The following NCOR1 variants were observed in gnomAD, a reference collection of about 807,000 sequenced individuals.
NCOR1 encodes nuclear receptor corepressor 1.
In NCOR1, 63 loss-of-function variants were observed where a neutral mutation model predicts 288.1. The observed-to-expected ratio is 0.22, with a 90% CI of 0.18 to 0.27. The LOEUF (loss-of-function observed/expected upper bound fraction) is 0.27, where lower values mean the gene tolerates loss of function less well. NCOR1 is among the 10% of genes least tolerant of loss of function. NCOR1 has a pLI of 1.00. For missense variants in NCOR1, 2,397 were observed against 3,019.2 expected, an observed-to-expected ratio of 0.79 and a Z score of 4.83; for synonymous variants, 1,007 against 1,065.9, an observed-to-expected ratio of 0.94 and a Z score of 1.08.
intron 45 of NCOR1, among the ~76,000 whole-genome samples, chr17:16,032,884 G>A (rs909764227): frequency 1.3e-5 from 2 of 152,202 alleles, no homozygotes; most frequent in African/African-American, 4.8e-5. Context: ...AAGTACCCAG[G>A]AACGTCTGCA....
intron 27 of NCOR1, among the ~76,000 whole-genome samples, chr17:16,074,396 T>C (rs1161621190): frequency 6.6e-6 from 1 of 152,174 alleles, no homozygotes; most frequent in Non-Finnish European, 1.5e-5. Flanking sequence ...GGATGGATTC[T>C]AGACACTTTA....
intron 1 of NCOR1, among the ~76,000 whole-genome samples, chr17:16,199,932 T>C (rs371276482): frequency 2.0e-5 from 3 of 152,356 alleles, no homozygotes; most frequent in South Asian, 2.1e-4. Flanking sequence ...TAGCCTCTTA[T>C]ATATTGCAAA....
chr17:16,099,092 CCAA>C (rs1215212136), intron 20 of NCOR1, among the ~76,000 whole-genome samples: 5 of 152,214 alleles, frequency 3.3e-5, no homozygotes, highest in African/African-American at 1.2e-4. Context: ...ATGGAAAGAA[CCAA>C]CAACATGAAA....
rs767576729 is a variant in NCOR1 at position 16,153,370 on chromosome 17, A to T, written c.758T>A (p.Ile253Asn). 148 of 1,600,852 alleles carry T rather than the reference A, an allele frequency of 9.2e-5. No individual in the cohort carries two copies. Among genetic ancestry groups the T allele is most frequent in the Non-Finnish European group, 1.2e-4 (142 of 1,173,022 alleles). ...AACTTTTGGGCCAAGACCTTCAAAA[A>T]TTTTATGAGCTTCTTCTGCTTTTTT... is the stretch of plus-strand genomic sequence containing the variant. ...NRKKAEEAHK[I>N]FEGLGPKVEL... The change falls in exon 7 of 46, where the codon ATT (isoleucine) becomes AAT (asparagine). Residue 253 changes from isoleucine to asparagine, a missense_variant. Transcript: ENST00000268712.
In NCOR1 at chr17:16,032,052, C is replaced by T. The variant is rs1039598045; in HGVS notation, c.*244G>A. Reference sequence around the variant, plus strand: ...TTCACTTTTTAAAAACTCTACATCTCAACCCTCCACTATTATTATAGTCCA... The same window carrying T: ...TTCACTTTTTAAAAACTCTACATCTTAACCCTCCACTATTATTATAGTCCA... On this transcript the variant is annotated 3_prime_UTR_variant, in exon 46 of 46. Transcript: ENST00000268712. The T allele has an allele frequency of 2.2e-6, 1 of 461,684 alleles. No homozygotes were observed. Among genetic ancestry groups the T allele is most frequent in the African/African-American group, 2.0e-5 (1 of 49,060 alleles). 28.6% of individuals were successfully genotyped at this position (461,684 alleles called of 1,614,324 possible). A position where few individuals can be genotyped will look rare whatever the true frequency, so the allele number is the denominator to read the frequency against.
chr17:16,131,700 T>G (rs1464867135), intron 14 of NCOR1, among the ~76,000 whole-genome samples: 1 of 152,192 alleles, frequency 6.6e-6, no homozygotes, highest in East Asian at 1.9e-4. Flanking sequence ...TTATCAAAAT[T>G]TATTAACAAT....
In NCOR1 at chr17:16,101,287, C is replaced by T. The variant is rs1406850631; in HGVS notation, c.2653G>A (p.Ala885Thr). ...SDNDSSATCSADEDVDGEPER... is the reference protein window; with the variant it reads ...SDNDSSATCSTDEDVDGEPER... ...GGCTCTCCATCCACATCCTCATCAG[C>T]GCTGCACGTGGCACTGGAATCATTG... The change falls in exon 20 of 46, where the codon GCT (alanine) becomes ACT (threonine). Residue 885 changes from alanine (A) to threonine (T), a missense_variant. By Grantham distance (58) the Ala-to-Thr change is moderately conservative. Transcript: ENST00000268712. The T allele has an allele frequency of 1.2e-6, 2 of 1,610,738 alleles. No homozygotes were observed. The highest frequency in any genetic ancestry group is 1.7e-6 in the Non-Finnish European group (2 of 1,178,320).
intron 30 of NCOR1, 100 bp downstream of exon 30, chr17:16,071,309 A>T: frequency 1.4e-6 from 2 of 1,460,248 alleles, no homozygotes; most frequent in South Asian, 2.8e-5. Flanking sequence ...TACTTCCAGG[A>T]GGTCTGACAT....
chr17:16,159,187 G>A (rs1189075089), intron 5 of NCOR1, among the ~76,000 whole-genome samples: 3 of 152,090 alleles, frequency 2.0e-5, no homozygotes, highest in Non-Finnish European at 4.4e-5. Flanking sequence ...GCCTAGGCAG[G>A]TGGATCACCT....
intron 8 of NCOR1, among the ~76,000 whole-genome samples, chr17:16,150,616 T>G (rs2078694164): frequency 6.6e-6 from 1 of 151,370 alleles, no homozygotes; most frequent in Non-Finnish European, 1.5e-5. Context: ...GCAATGTAGA[T>G]GACATGAAAT....
intron 13 of NCOR1, chr17:16,137,949 C>T: frequency 2.1e-6 from 1 of 472,682 alleles, no homozygotes; most frequent in Non-Finnish European, 3.7e-6. Context: ...AAATAAACAT[C>T]AGGTCATCTT....
chr17:16,145,477 T>A (rs1174377575), intron 10 of NCOR1, among the ~76,000 whole-genome samples: 1 of 134,658 alleles, frequency 7.4e-6, no homozygotes, highest in Non-Finnish European at 1.7e-5. Flanking sequence ...CACCGCCCCG[T>A]CTGGGATGTG....
chr17:16,086,953 G>C (rs1185018707), intron 22 of NCOR1, among the ~76,000 whole-genome samples: 2 of 152,232 alleles, frequency 1.3e-5, no homozygotes, highest in Admixed American at 1.3e-4. Context: ...TAAAGGAAGA[G>C]CCAGTCAATG....
At chr17:16,215,324 C>A in intron 1 of NCOR1, 38 bp downstream of exon 1, 3 of 391,288 alleles carry the variant, frequency 7.7e-6, no homozygotes, top group Non-Finnish European at 9.0e-6. Flanking sequence ...CTAGCAGGAG[C>A]CCGGAGGCCG....
In NCOR1 at chr17:16,121,288, G is replaced by A; in HGVS notation, c.1635-19C>T. 1.2e-6 allele frequency: 2 copies of A among 1,601,284 alleles called. No individual in the cohort carries two copies. The highest frequency in any genetic ancestry group is 1.7e-6 in the Non-Finnish European group (2 of 1,172,286). ...ATTTTCTCTGGACACAAAAGCAAAT[G>A]AAAACTTGTGTGATTCCAAAGTATA... On this transcript the variant is annotated intron_variant, in intron 15 of 45. Coordinates refer to ENST00000268712, the MANE Select transcript of NCOR1 (RefSeq NM_006311.4).
Position 16,119,534 on chromosome 17 carries a change from C to CTTT in NCOR1, c.1853-50_1853-49insAAA, listed in dbSNP as rs779578115. 7.1e-6 allele frequency: 9 copies of CTTT among 1,268,752 alleles called. No individual in the cohort carries two copies. The African/African-American group carries it at 1.4e-4, about 19-fold the overall frequency. 78.6% of individuals were successfully genotyped at this position (1,268,752 alleles called of 1,614,324 possible). ...CAGGCAGAGAAAAACAAAGTTAAATCCTTTATTCAAACCAATCATATAATT... is the reference window on the plus strand; with the variant it reads ...CAGGCAGAGAAAAACAAAGTTAAATCTTTCTTTATTCAAACCAATCATATAATT... On this transcript the variant is annotated intron_variant, in intron 16 of 45. Coordinates refer to ENST00000268712, the MANE Select transcript of NCOR1 (RefSeq NM_006311.4).
chr17:16,199,802 C>T (rs1199573756), intron 1 of NCOR1, among the ~76,000 whole-genome samples: 2 of 152,108 alleles, frequency 1.3e-5, no homozygotes, highest in African/African-American at 2.4e-5. Flanking sequence ...AAGCAACTTC[C>T]TCATCTCTTA....
chr17:16,068,287 C>T (rs972692023), intron 31 of NCOR1, 166 bp from the exon 32 acceptor site: 2 of 633,252 alleles, frequency 3.2e-6, no homozygotes, highest in Non-Finnish European at 5.4e-6. Context: ...ATGTAAACAA[C>T]ATATGAAAAT....
rs746697763 is a variant in NCOR1 at position 16,032,493 on chromosome 17, G to A, written c.7136-10C>T. The A allele has an allele frequency of 3.9e-6, 6 of 1,558,206 alleles. No individual in the cohort carries two copies. Among genetic ancestry groups the A allele is most frequent in the Admixed American group, 4.2e-5 (2 of 47,756 alleles). On this transcript the variant is annotated splice_polypyrimidine_tract_variant and intron_variant, in intron 45 of 45. Transcript: ENST00000268712. ...GGAAACTGAGTTGAGCCTGACAAAA[G>A]AAAAATTAGGTTTTCATTGTCATGA...
Sources: allele counts gnomAD v4.1 joint callset (sites outside exome capture counted in the v4.1 genomes callset), GRCh38; gene constraint gnomAD v4.1.1; transcripts MANE v1.5; gene names NCBI Gene and HGNC (gene_info 2026-07-23, HGNC 2026-07-21).